RAET1G: variants seen among roughly 807,000 people sequenced by gnomAD.
RAET1G encodes the protein UL-16 binding protein 5.
In RAET1G, 25 loss-of-function variants were observed where a neutral mutation model predicts 29.5. The observed-to-expected ratio is 0.85, with a 90% CI of 0.62 to 1.18. RAET1G has a LOEUF of 1.18. Ranked by LOEUF, RAET1G falls within the 50% of genes most tolerant of loss-of-function variation. RAET1G has a pLI of 0.00. For synonymous variants in RAET1G, 167 were observed against 159.5 expected, an observed-to-expected ratio of 1.05 and a Z score of -0.36; for missense variants, 434 against 423.6, an observed-to-expected ratio of 1.02 and a Z score of -0.22.
At position 149,919,295 on chromosome 6, in the gene RAET1G, A is replaced by G; in HGVS notation, c.379T>C (p.Cys127Arg). ...EPLTLQARMS[C>R]EQKAEGHGSG... is the part of the protein sequence containing the mutation. ...CCGTGTCCTTCGGCTTTCTGCTCAC[A>G]AGACATCCTGGCCTGCAGGGTGAGG... Residue 127 changes from cysteine (C) to arginine (R), a missense_variant, in exon 3 of 5, where the codon TGT becomes CGT. By Grantham distance (180) the Cys-to-Arg change is radical. Transcript: ENST00000367360. 3.1e-6 allele frequency: 5 copies of G among 1,614,080 alleles called. No individual in the cohort carries two copies. The highest frequency in any genetic ancestry group is 4.2e-6 in the Non-Finnish European group (5 of 1,179,944).
Position 149,917,059 on chromosome 6 carries a change from C to G in RAET1G, c.858G>C (p.Lys286Asn). Residue 286 changes from lysine (K) to asparagine (N), a missense_variant, in exon 5 of 5, where the codon AAG becomes AAC. Transcript: ENST00000367360. Reference protein sequence around the residue: ...VLWSDSYQIAKRPLSGGHVTR... With the variant: ...VLWSDSYQIANRPLSGGHVTR... ...TCACGTGTCCACCAGACAAGGGGCG[C>G]TTCGCTATTTGGTAGCTGAGGCGGA... The G allele has an allele frequency of 1.3e-6, 2 of 1,547,910 alleles. No individual in the cohort carries two copies. Among genetic ancestry groups the G allele is most frequent in the Non-Finnish European group, 1.7e-6 (2 of 1,145,398 alleles).
chr6:149,917,477 T>G (rs1438645380), intron 4 of RAET1G, among the ~76,000 whole-genome samples: 1 of 152,248 alleles, frequency 6.6e-6, no homozygotes, highest in Admixed American at 6.5e-5. Flanking sequence ...TTCTGGTCAC[T>G]TCTCACCGTG....
rs55799610 is a variant in RAET1G, at chr6:149,919,699, C to T, written c.203G>A (p.Ser68Asn). ...GGGACTGACGGGTGTGACTGTCTTG[C>T]TGCCACAGTCATAGTGAAGAAAAGT... ...EKTFLHYDCG[S>N]KTVTPVSPLG... Residue 68 changes from serine to asparagine, a missense_variant, in exon 2 of 5, where the codon AGC (serine) becomes AAC (asparagine). Transcript: ENST00000367360. 2.3e-3 allele frequency: 3,695 copies of T among 1,612,872 alleles called. 76 individuals are homozygous for T. In the African/African-American group the frequency reaches 0.044, roughly 19 times the overall value.
Position 149,919,121 on chromosome 6 carries a change from T to G in RAET1G, c.553A>C (p.Ile185Leu). ...DKDMTMSFHY[I>L]SMGDCTGWLE... ...CATCCTGTGCAGTCTCCCATTGAGA[T>G]GTAATGGAAGGACATGGTCATATCC... The change falls in exon 3 of 5, where the codon ATC becomes CTC. Residue 185 changes from isoleucine to leucine, a missense_variant. By Grantham distance (5) the Ile-to-Leu change is conservative. Coordinates refer to ENST00000367360, the MANE Select transcript of RAET1G (RefSeq NM_001001788.4). 1 of 1,614,222 alleles carries G rather than the reference T, an allele frequency of 6.2e-7. No individual in the cohort carries two copies. Among genetic ancestry groups the G allele is most frequent in the South Asian group, 1.1e-5 (1 of 91,080 alleles).
chr6:149,919,917 C>T (rs1457770947), intron 1 of RAET1G, 101 bp from the exon 2 acceptor site: 1 of 1,605,454 alleles, frequency 6.2e-7, no homozygotes, highest in Non-Finnish European at 8.5e-7. Context: ...GAGGGCTGGG[C>T]TGGCCCAGCA....
chr6:149,923,056 T>C lies in RAET1G; in HGVS notation c.-46A>G. 7.8e-6 allele frequency: 11 copies of C among 1,409,330 alleles called. No individual in the cohort carries two copies. Among genetic ancestry groups the C allele is most frequent in the Non-Finnish European group, 9.7e-6 (10 of 1,026,038 alleles). 87.3% of individuals were successfully genotyped at this position (1,409,330 alleles called of 1,614,324 possible). A position where few individuals can be genotyped will look rare whatever the true frequency, so the allele number is the denominator to read the frequency against. On this transcript the variant is annotated 5_prime_UTR_variant, in exon 1 of 5. Coordinates refer to ENST00000367360, the MANE Select transcript of RAET1G (RefSeq NM_001001788.4). ...GACAGCAGAAGCGAAGCCCAGCCCG[T>C]GGATCACCTGGCGGCTCGCAGGCTG...
At chr6:149,918,574 A>G in intron 3 of RAET1G, 190 bp from the exon 4 acceptor site, 1 of 687,332 alleles carries the variant, frequency 1.5e-6, no homozygotes, top group Non-Finnish European at 2.5e-6. Flanking sequence ...GGGAGCTCAC[A>G]GAGCTGCTGA....
intron 4 of RAET1G, 132 bp downstream of exon 4, chr6:149,918,042 G>T (rs1778489109): frequency 2.5e-6 from 2 of 795,606 alleles, no homozygotes; most frequent in Admixed American, 2.3e-5. Flanking sequence ...GCAACACAAG[G>T]TCTCATTCAC....
chr6:149,917,798 C>A (rs1778482843), intron 4 of RAET1G, among the ~76,000 whole-genome samples: 1 of 152,106 alleles, frequency 6.6e-6, no homozygotes, highest in South Asian at 2.1e-4. Context: ...TAAAGCTACC[C>A]TGATGCACCT....
rs1281854945 is a variant in RAET1G, at chr6:149,919,740, G to A, written c.162C>T (p.Gly54=). 3.5e-5 allele frequency: 57 copies of A among 1,612,982 alleles called. No individual in the cohort carries two copies. In the Admixed American group the frequency reaches 6.0e-4, roughly 17 times the overall value. The part of the protein sequence containing the change: ...RPGPRWCAVQ[G]QVDEKTFLHY... ...GAAGAAAAGTCTTTTCATCCACCTGGCCTTGAACCGCACACCACCGTGGTC... is the reference window on the plus strand; with the variant it reads ...GAAGAAAAGTCTTTTCATCCACCTGACCTTGAACCGCACACCACCGTGGTC... The change falls in exon 2 of 5, where the codon GGC becomes GGT. Residue 54 remains glycine (G), a synonymous_variant. Transcript: ENST00000367360.
chr6:149,922,810 C>A, intron 1 of RAET1G, 116 bp downstream of exon 1: 1 of 664,924 alleles, frequency 1.5e-6, no homozygotes, highest in Non-Finnish European at 2.5e-6. Flanking sequence ...TGAGCGGGGG[C>A]GCAGTCCGGG....
At position 149,923,026 on chromosome 6, in the gene RAET1G, C is replaced by T. The variant is rs1479464655; in HGVS notation, c.-16G>A. 7 of 1,574,680 alleles carry T rather than the reference C, an allele frequency of 4.4e-6. No individual in the cohort carries two copies. Among genetic ancestry groups the T allele is most frequent in the Non-Finnish European group, 5.2e-6 (6 of 1,159,188 alleles). On this transcript the variant is annotated 5_prime_UTR_variant, in exon 1 of 5. Transcript: ENST00000367360. Reference sequence around the variant, plus strand: ...CCGCTGCCATTGGGGAGTTGGATCGCAGGGGACAGCAGAAGCGAAGCCCAG... The same window carrying T: ...CCGCTGCCATTGGGGAGTTGGATCGTAGGGGACAGCAGAAGCGAAGCCCAG...
At chr6:149,920,622 T>A (rs1416135907) in intron 1 of RAET1G, among the ~76,000 whole-genome samples, 1 of 152,158 alleles carries the variant, frequency 6.6e-6, no homozygotes, top group East Asian at 1.9e-4. Context: ...GAGATGCTCT[T>A]CCTGAAATGG....
intron 1 of RAET1G, among the ~76,000 whole-genome samples, chr6:149,921,809 A>G (rs1490030335): frequency 6.6e-6 from 1 of 152,078 alleles, no homozygotes; most frequent in Admixed American, 6.5e-5. Flanking sequence ...CACCTGAGAC[A>G]CCACTTGGAG....
intron 2 of RAET1G, 105 bp downstream of exon 2, chr6:149,919,448 C>G: frequency 6.2e-7 from 1 of 1,609,408 alleles, no homozygotes; most frequent in Non-Finnish European, 8.5e-7. Context: ...AGACGTCTTG[C>G]GGGGTGAGAT....
chr6:149,919,750 G>C lies in RAET1G; in HGVS notation c.152C>G (p.Ala51Gly), dbSNP rs775839827. 6.2e-7 allele frequency: 1 copy of C among 1,612,674 alleles called. No homozygotes were observed. Among genetic ancestry groups the C allele is most frequent in the Non-Finnish European group, 8.5e-7 (1 of 1,179,858 alleles). Residue 51 changes from alanine to glycine, a missense_variant, in exon 2 of 5, where the codon GCG becomes GGG. By Grantham distance (60) the Ala-to-Gly change is moderately conservative. Transcript: ENST00000367360. ...CTTTTCATCCACCTGGCCTTGAACCGCACACCACCGTGGTCCAGGTCTGAA... is the reference window on the plus strand; with the variant it reads ...CTTTTCATCCACCTGGCCTTGAACCCCACACCACCGTGGTCCAGGTCTGAA... ...PKFRPGPRWC[A>G]VQGQVDEKTF...
chr6:149,919,895 A>G (rs561002165), intron 1 of RAET1G, 79 bp from the exon 2 acceptor site: 2 of 1,611,472 alleles, frequency 1.2e-6, no homozygotes, highest in South Asian at 2.2e-5. Flanking sequence ...TGACAATAAG[A>G]GGAAGCCTCT....
chr6:149,917,140 A>T, intron 4 of RAET1G, 66 bp from the exon 5 acceptor site: 1 of 1,455,596 alleles, frequency 6.9e-7, no homozygotes, highest in Non-Finnish European at 9.1e-7. Context: ...GGACTTCAAT[A>T]CTTTCACTAA....
intron 4 of RAET1G, among the ~76,000 whole-genome samples, chr6:149,917,503 T>C (rs1778473363): frequency 6.6e-6 from 1 of 152,194 alleles, no homozygotes; most frequent in African/African-American, 2.4e-5. Context: ...TCAGCTCCTG[T>C]CTCTGCATGG....
Sources: allele counts gnomAD v4.1 joint callset (sites outside exome capture counted in the v4.1 genomes callset), GRCh38; gene constraint gnomAD v4.1.1; transcripts MANE v1.5; gene names NCBI Gene and HGNC (gene_info 2026-07-23, HGNC 2026-07-21).